The following STPG2 variants were observed in gnomAD, a reference collection of about 807,000 sequenced individuals.
STPG2 encodes sperm-tail PG-rich repeat-containing protein 2.
STPG2 carries 56 observed loss-of-function variants against 54.2 expected under a neutral mutation model. That is an observed-to-expected ratio of 1.03 (90% CI 0.83 to 1.29). The LOEUF is 1.29. Ranked by LOEUF, STPG2 falls within the 50% of genes most tolerant of loss-of-function variation. STPG2 has a pLI of 0.00. For missense variants in STPG2, 596 were observed against 544.9 expected, an observed-to-expected ratio of 1.09 and a Z score of -0.93; for synonymous variants, 200 against 181.8, an observed-to-expected ratio of 1.10 and a Z score of -0.81.
chr4:97,713,473 G>A (rs1724195509), intron 9 of STPG2, among the ~76,000 whole-genome samples: 1 of 152,174 alleles, frequency 6.6e-6, no homozygotes, highest in South Asian at 2.1e-4. Flanking sequence ...AAACTTTTGA[G>A]AACCACTTTC....
intron 5 of STPG2, among the ~76,000 whole-genome samples, chr4:98,072,089 T>A (rs1252735173): frequency 6.6e-6 from 1 of 152,102 alleles, no homozygotes; most frequent in African/African-American, 2.4e-5. Flanking sequence ...AATCATTCTA[T>A]TACAAAGACA....
intron 4 of STPG2, among the ~76,000 whole-genome samples, chr4:97,518,311 A>G (rs1026483106): frequency 1.4e-4 from 22 of 152,110 alleles, no homozygotes; most frequent in Admixed American, 2.0e-4. Context: ...TAAAAACACC[A>G]AGATAAAAAC....
intron 9 of STPG2, among the ~76,000 whole-genome samples, chr4:97,771,558 A>C (rs1560521243): frequency 6.6e-6 from 1 of 152,174 alleles, no homozygotes. Context: ...GGTGGGACAT[A>C]GGTGAGCATA....
intron 9 of STPG2, among the ~76,000 whole-genome samples, chr4:97,737,501 C>T (rs1197162380): frequency 6.6e-6 from 1 of 152,060 alleles, no homozygotes; most frequent in Non-Finnish European, 1.5e-5. Context: ...ATAACCAATA[C>T]AGAGAAATGC....
chr4:97,985,109 C>T lies in STPG2; in HGVS notation c.613-3791G>A, dbSNP rs369425397. Among the ~76,000 whole-genome samples, 41 of 152,076 alleles carry T rather than the reference C, an allele frequency of 2.7e-4. No homozygotes were observed. The South Asian group carries it at 7.3e-3, about 27-fold the overall frequency. ...GTAAAGTAGGTAAATATTAACACTA[C>T]TAAAATAATAATTTATTATTGGAAG... On this transcript the variant is annotated intron_variant, in intron 5 of 10. Transcript: ENST00000295268.
downstream of STPG2, among the ~76,000 whole-genome samples, chr4:97,557,852 A>G (rs114350407): frequency 3.0e-4 from 45 of 152,348 alleles, no homozygotes; most frequent in African/African-American, 1.1e-3. Context: ...ATTAGCAGAT[A>G]CTAAGAGTTT....
intron 5 of STPG2, among the ~76,000 whole-genome samples, chr4:98,017,223 T>C (rs1033206108): frequency 2.6e-5 from 4 of 152,214 alleles, no homozygotes; most frequent in African/African-American, 9.6e-5. Context: ...TTTGCCTGGG[T>C]CTTCAGTGGC....
chr4:98,110,574 C>T (rs1315638320), intron 3 of STPG2, among the ~76,000 whole-genome samples: 2 of 152,126 alleles, frequency 1.3e-5, no homozygotes, highest in Non-Finnish European at 2.9e-5. Context: ...ACCCTGGAAG[C>T]ATGCCAACAT....
At chr4:97,898,523 T>C (rs1332676221) in intron 8 of STPG2, among the ~76,000 whole-genome samples, 1 of 151,744 alleles carries the variant, frequency 6.6e-6, no homozygotes, top group Non-Finnish European at 1.5e-5. Flanking sequence ...AAAGGTATGT[T>C]ATTTCAATGC....
chr4:97,506,080 T>C (rs1432137453), intron 4 of STPG2, among the ~76,000 whole-genome samples: 1 of 141,024 alleles, frequency 7.1e-6, no homozygotes, highest in Non-Finnish European at 1.5e-5. Context: ...TGTGGAAATG[T>C]AGGAGTGAGT....
chr4:97,813,675 CTTAAAAAAAAAA>C (rs1467245971), intron 9 of STPG2, among the ~76,000 whole-genome samples: 204 of 36,564 alleles, frequency 5.6e-3, no homozygotes, highest in African/African-American at 0.022. Context: ...GACCCTGTCT[CTTAAAAAAAAAA>C]AAAAAAAAAA....
At chr4:98,054,068 A>T (rs1166767754) in intron 5 of STPG2, among the ~76,000 whole-genome samples, 1 of 152,158 alleles carries the variant, frequency 6.6e-6, no homozygotes, top group Non-Finnish European at 1.5e-5. Context: ...TTCCTTACAA[A>T]TACAACAAAT....
intron 5 of STPG2, among the ~76,000 whole-genome samples, chr4:98,004,670 T>C (rs1386856737): frequency 6.6e-6 from 1 of 152,206 alleles, no homozygotes; most frequent in Non-Finnish European, 1.5e-5. Flanking sequence ...GACTTTTTGA[T>C]AATAGCTTTT....
At chr4:97,923,885 T>C (rs1030736781) in intron 8 of STPG2, among the ~76,000 whole-genome samples, 3 of 152,168 alleles carry the variant, frequency 2.0e-5, no homozygotes, top group Non-Finnish European at 4.4e-5. Flanking sequence ...CAATCAGCTC[T>C]CTGTAAAACA....
chr4:97,874,537 G>A (rs1174241243), intron 8 of STPG2, among the ~76,000 whole-genome samples: 2 of 151,594 alleles, frequency 1.3e-5, no homozygotes, highest in African/African-American at 4.8e-5. Context: ...AGACATCCAC[G>A]TGGAAACAGT....
chr4:97,750,988 T>C (rs1048606807), intron 9 of STPG2, among the ~76,000 whole-genome samples: 1 of 151,820 alleles, frequency 6.6e-6, no homozygotes, highest in Non-Finnish European at 1.5e-5. Flanking sequence ...GAAAACTGAA[T>C]TCTCACAGAA....
chr4:98,044,352 T>A (rs529545149), intron 5 of STPG2, among the ~76,000 whole-genome samples: 2 of 152,290 alleles, frequency 1.3e-5, no homozygotes, highest in South Asian at 4.1e-4. Context: ...CTTTAGCAAT[T>A]TGGTCACAAC....
At chr4:97,525,832 T>G (rs569863079) in intron 4 of STPG2, among the ~76,000 whole-genome samples, 2 of 152,146 alleles carry the variant, frequency 1.3e-5, no homozygotes, top group East Asian at 3.9e-4. Flanking sequence ...TAATGATCAG[T>G]GATGATGAGC....
In STPG2 at chr4:97,587,769, T is replaced by C. The variant is rs1216818648; in HGVS notation, c.1321-28652A>G. Among the ~76,000 whole-genome samples, 6 of 152,014 alleles carry C rather than the reference T, an allele frequency of 3.9e-5. No homozygotes were observed. The East Asian group carries it at 1.2e-3, about 29-fold the overall frequency. Reference sequence around the variant, plus strand: ...TCTGGCCCCAACATGTTACAGAATATTAAAATGGATTAGTGTTTATTTTCT... The same window carrying C: ...TCTGGCCCCAACATGTTACAGAATACTAAAATGGATTAGTGTTTATTTTCT... On this transcript the variant is annotated intron_variant, in intron 10 of 10. Transcript: ENST00000295268.
Sources: gnomAD v4.1 joint callset for allele counts (sites outside exome capture counted in the v4.1 genomes callset) on GRCh38, gnomAD v4.1.1 for gene constraint, MANE v1.5 for transcripts, NCBI Gene and HGNC (gene_info 2026-07-23, HGNC 2026-07-21) for gene names.